The following PCTP variants were observed in gnomAD, a reference collection of about 807,000 sequenced individuals.
PCTP encodes phosphatidylcholine transfer protein.
In PCTP, 27 loss-of-function variants were observed where a neutral mutation model predicts 31.0. The ratio of observed to expected loss-of-function variants is 0.87; its 90% CI spans 0.64 to 1.20. PCTP has a LOEUF of 1.20. PCTP is among the 50% of genes most tolerant of loss of function. The probability of loss-of-function intolerance (pLI) is 0.00; values close to 1 mark genes in which losing one functional copy is unlikely to be tolerated. For missense variants in PCTP, 287 were observed against 268.2 expected, an observed-to-expected ratio of 1.07 and a Z score of -0.49; for synonymous variants, 108 against 101.2, an observed-to-expected ratio of 1.07 and a Z score of -0.40.
intron 1 of PCTP, among the ~76,000 whole-genome samples, chr17:55,765,414 C>T (rs1183822590): frequency 6.6e-6 from 1 of 152,158 alleles, no homozygotes; most frequent in Non-Finnish European, 1.5e-5. Flanking sequence ...TTCCCATCTG[C>T]CCAACTTGGG....
At chr17:55,763,532 A>AT (rs1391496282) in intron 1 of PCTP, among the ~76,000 whole-genome samples, 3 of 152,112 alleles carry the variant, frequency 2.0e-5, no homozygotes, top group South Asian at 2.1e-4. Flanking sequence ...TTGGAAACAA[A>AT]TTTTTTTGGA....
At chr17:55,818,873 C>T (rs560715092) in intron 3 of PCTP, among the ~76,000 whole-genome samples, 7 of 151,858 alleles carry the variant, frequency 4.6e-5, no homozygotes, top group South Asian at 2.1e-4. Context: ...AGCAAGGGCA[C>T]GGTCAGAAGG....
intron 3 of PCTP, among the ~76,000 whole-genome samples, chr17:55,792,343 C>A (rs910581588): frequency 2.0e-5 from 3 of 148,390 alleles, no homozygotes; most frequent in East Asian, 2.0e-4. Context: ...AAAGAAAAAA[C>A]CACACATACT....
intron 3 of PCTP, among the ~76,000 whole-genome samples, chr17:55,792,802 T>C (rs1453817085): frequency 6.6e-6 from 1 of 152,144 alleles, no homozygotes; most frequent in Non-Finnish European, 1.5e-5. Context: ...ATTTCAAGTA[T>C]TTGTCTTAAT....
At chr17:55,788,566 T>C (rs1911836186) in intron 3 of PCTP, among the ~76,000 whole-genome samples, 1 of 152,220 alleles carries the variant, frequency 6.6e-6, no homozygotes, top group Non-Finnish European at 1.5e-5. Context: ...TGATCCAGTA[T>C]TTACATATTT....
intron 3 of PCTP, among the ~76,000 whole-genome samples, chr17:55,817,245 TG>T (rs971172194): frequency 9.8e-5 from 15 of 152,286 alleles, no homozygotes; most frequent in African/African-American, 3.4e-4. Flanking sequence ...AAGAGTCTTT[TG>T]GGGGTTGTTG....
At chr17:55,844,430 G>A (rs1026860433), downstream of PCTP, among the ~76,000 whole-genome samples, 1 of 152,070 alleles carries the variant, frequency 6.6e-6, no homozygotes, top group African/African-American at 2.4e-5. Flanking sequence ...GCTCTTTTCA[G>A]TGCTTCTGAT....
Position 55,777,063 on chromosome 17 carries a change from C to G in PCTP, c.*963C>G. Reference sequence around the variant, plus strand: ...TAAAATTTAACTGGTGGCTTAATGACTCTGCACCTTTTTCTCAGGAATTCT... The same window carrying G: ...TAAAATTTAACTGGTGGCTTAATGAGTCTGCACCTTTTTCTCAGGAATTCT... On this transcript the variant is annotated 3_prime_UTR_variant, in exon 6 of 6. Transcript: ENST00000268896. 1.0e-6 allele frequency: 1 copy of G among 985,778 alleles called. No individual in the cohort carries two copies. Among genetic ancestry groups the G allele is most frequent in the Non-Finnish European group, 1.2e-6 (1 of 829,894 alleles). 61.1% of individuals were successfully genotyped at this position (985,778 alleles called of 1,614,324 possible). A position where few individuals can be genotyped will look rare whatever the true frequency, so the allele number is the denominator to read the frequency against.
chr17:55,809,746 C>T (rs1213193465), intron 3 of PCTP, among the ~76,000 whole-genome samples: 1 of 152,142 alleles, frequency 6.6e-6, no homozygotes, highest in African/African-American at 2.4e-5. Context: ...TGGTCTTGAT[C>T]TCCTGACCTC....
chr17:55,756,957 T>C (rs568174831), intron 1 of PCTP, among the ~76,000 whole-genome samples: 2 of 152,216 alleles, frequency 1.3e-5, no homozygotes, highest in South Asian at 4.1e-4. Flanking sequence ...CAGGTGATAT[T>C]GATCAGTTAC....
intron 3 of PCTP, among the ~76,000 whole-genome samples, chr17:55,815,306 G>C (rs1418587426): frequency 1.3e-5 from 2 of 152,178 alleles, no homozygotes; most frequent in African/African-American, 2.4e-5. Flanking sequence ...ATAGTAGAGA[G>C]GGAGTTCAGC....
intron 3 of PCTP, among the ~76,000 whole-genome samples, chr17:55,811,323 CACTT>C (rs1445731760): frequency 6.6e-6 from 1 of 152,184 alleles, no homozygotes; most frequent in Non-Finnish European, 1.5e-5. Flanking sequence ...ACATATCTAG[CACTT>C]ACTATGTTCT....
At chr17:55,791,601 A>G (rs1911983787) in intron 3 of PCTP, among the ~76,000 whole-genome samples, 1 of 150,162 alleles carries the variant, frequency 6.7e-6, no homozygotes, top group South Asian at 2.1e-4. Flanking sequence ...CAAAACCACA[A>G]TGAGATACCA....
intron 5 of PCTP, among the ~76,000 whole-genome samples, chr17:55,830,357 C>G (rs1367221558): frequency 6.6e-6 from 1 of 152,174 alleles, no homozygotes; most frequent in Non-Finnish European, 1.5e-5. Context: ...TTTAACTGCA[C>G]TGCAATTTTT....
intron 1 of PCTP, among the ~76,000 whole-genome samples, chr17:55,763,579 A>T (rs1910461177): frequency 6.6e-6 from 1 of 151,170 alleles, no homozygotes; most frequent in Non-Finnish European, 1.5e-5. Context: ...TCATAACCTC[A>T]GTATAATATT....
chr17:55,762,536 G>A (rs373874444), intron 1 of PCTP, among the ~76,000 whole-genome samples: 1 of 151,960 alleles, frequency 6.6e-6, no homozygotes, highest in African/African-American at 2.4e-5. Context: ...ATGTCAATTA[G>A]GATTGTTTTT....
At position 55,839,062 on chromosome 17, in the gene PCTP, T is replaced by C. The variant is rs77217050; in HGVS notation, n.506-3665T>C. 7.9e-5 allele frequency among the ~76,000 whole-genome samples: 12 copies of C among 152,328 alleles called. No individual in the cohort carries two copies. The East Asian group carries it at 2.3e-3, about 29-fold the overall frequency. On this transcript the variant is annotated intron_variant and non_coding_transcript_variant, in intron 5 of 5. Coordinates refer to the PCTP transcript ENST00000576221. ...CATACACATTCACATAGAACATCCA[T>C]AGGAGAGCGCAGATAGAATCTGTAT... is the stretch of plus-strand genomic sequence containing the variant.
intron 3 of PCTP, among the ~76,000 whole-genome samples, chr17:55,801,290 T>C (rs1456128489): frequency 1.3e-5 from 2 of 152,088 alleles, no homozygotes; most frequent in African/African-American, 4.8e-5. Context: ...CCACTGTCAA[T>C]ATTAGACAGA....
chr17:55,777,025 G>A lies in PCTP; in HGVS notation c.*925G>A, dbSNP rs1911372858. The A allele has an allele frequency of 1.0e-6, 1 of 985,756 alleles. No homozygotes were observed. Among genetic ancestry groups the A allele is most frequent in the Non-Finnish European group, 1.2e-6 (1 of 829,924 alleles). 61.1% of individuals were successfully genotyped at this position (985,756 alleles called of 1,614,324 possible). A position where few individuals can be genotyped will look rare whatever the true frequency, so the allele number is the denominator to read the frequency against. On this transcript the variant is annotated 3_prime_UTR_variant, in exon 6 of 6. Coordinates refer to ENST00000268896, the MANE Select transcript of PCTP (RefSeq NM_021213.4). ...ATTTAGAAATGTAGAAGGGATAACA[G>A]TTCACAGCCAGGTAAAATTTAACTG...
Sources: gnomAD v4.1 joint callset for allele counts (sites outside exome capture counted in the v4.1 genomes callset) on GRCh38, gnomAD v4.1.1 for gene constraint, MANE v1.5 for transcripts, NCBI Gene and HGNC (gene_info 2026-07-23, HGNC 2026-07-21) for gene names.